PARD3: variants seen among roughly 807,000 people sequenced by gnomAD.
PARD3 encodes par-3 family cell polarity regulator, also known as partitioning defective 3 homolog.
PARD3 carries 75 observed loss-of-function variants against 155.4 expected under a neutral mutation model. The observed-to-expected ratio is 0.48, with a 90% CI of 0.40 to 0.58. The LOEUF (loss-of-function observed/expected upper bound fraction) is 0.58. PARD3 is among the 20% of genes least tolerant of loss of function. The pLI, the probability that PARD3 is intolerant of heterozygous loss-of-function variation, is 0.00. For missense variants in PARD3, 1,642 were observed against 1,721.7 expected (o/e 0.95, Z 0.82); for synonymous variants, 576 against 610.5 (o/e 0.94, Z 0.83).
intron 2 of PARD3, among the ~76,000 whole-genome samples, chr10:34,663,309 C>CA (rs1258852458): frequency 1.3e-5 from 2 of 151,426 alleles, no homozygotes; most frequent in African/African-American, 2.4e-5. Flanking sequence ...ACTAAAAATA[C>CA]AAAAAAAATA....
At chr10:34,811,681 A>G (rs1308035799) in intron 1 of PARD3, among the ~76,000 whole-genome samples, 3 of 152,146 alleles carry the variant, frequency 2.0e-5, no homozygotes, top group East Asian at 3.8e-4. Flanking sequence ...CCTAGATTAT[A>G]CTTTTTTTTG....
chr10:34,768,639 A>G (rs1838434181), intron 1 of PARD3, among the ~76,000 whole-genome samples: 1 of 152,162 alleles, frequency 6.6e-6, no homozygotes, highest in African/African-American at 2.4e-5. Context: ...GGGGCCCCCA[A>G]GATTTATTTT....
intron 22 of PARD3, among the ~76,000 whole-genome samples, chr10:34,251,559 C>T (rs1183865037): frequency 2.6e-5 from 4 of 152,186 alleles, no homozygotes; most frequent in Admixed American, 1.3e-4. Flanking sequence ...CTTAAGCTGG[C>T]TTCAGAGCCT....
chr10:34,389,239 T>TAAAAAAAAAAAAAAAA (rs57615675), intron 7 of PARD3, among the ~76,000 whole-genome samples: 15 of 65,852 alleles, frequency 2.3e-4, no homozygotes, highest in African/African-American at 8.7e-4. Context: ...CAATGTTTCT[T>TAAAAAAAAAAAAAAAA]AAAAAAAAAA....
chr10:34,541,417 G>A (rs1283846005), intron 2 of PARD3, among the ~76,000 whole-genome samples: 1 of 152,146 alleles, frequency 6.6e-6, no homozygotes, highest in African/African-American at 2.4e-5. Flanking sequence ...TATTCCTGAA[G>A]GGACAACAAA....
At chr10:34,779,585 C>A (rs560129083) in intron 1 of PARD3, among the ~76,000 whole-genome samples, 1 of 152,298 alleles carries the variant, frequency 6.6e-6, no homozygotes, top group African/African-American at 2.4e-5. Flanking sequence ...CACGCCACTG[C>A]ACTCCAGCCT....
intron 22 of PARD3, among the ~76,000 whole-genome samples, chr10:34,151,345 T>C (rs1053693976): frequency 2.6e-5 from 4 of 152,172 alleles, no homozygotes; most frequent in African/African-American, 9.7e-5. Flanking sequence ...AAAGTCAGGA[T>C]TTGTTATCAA....
chr10:34,674,777 G>A (rs909706460), intron 2 of PARD3, among the ~76,000 whole-genome samples: 4 of 152,014 alleles, frequency 2.6e-5, no homozygotes, highest in Non-Finnish European at 4.4e-5. Flanking sequence ...GTGAGCCACC[G>A]TGCCCAGCCC....
At chr10:34,278,396 T>C (rs927816755) in intron 21 of PARD3, among the ~76,000 whole-genome samples, 8 of 152,152 alleles carry the variant, frequency 5.3e-5, no homozygotes, top group Admixed American at 2.0e-4. Context: ...GGAAAAAACA[T>C]TTTAAAATAG....
At chr10:34,461,719 A>G (rs929379926) in intron 4 of PARD3, among the ~76,000 whole-genome samples, 2 of 152,234 alleles carry the variant, frequency 1.3e-5, no homozygotes, top group African/African-American at 4.8e-5. Context: ...AATCAATGAT[A>G]CTTCCTGGTT....
intron 1 of PARD3, among the ~76,000 whole-genome samples, chr10:34,795,849 G>A (rs969635207): frequency 5.3e-5 from 8 of 151,974 alleles, no homozygotes; most frequent in East Asian, 1.9e-4. Flanking sequence ...AGCTGAGATC[G>A]TGCCATTGCA....
chr10:34,683,889 A>G (rs1487766627), intron 2 of PARD3, among the ~76,000 whole-genome samples: 1 of 152,214 alleles, frequency 6.6e-6, no homozygotes, highest in Non-Finnish European at 1.5e-5. Flanking sequence ...CAGTACCCAC[A>G]AAACACTTAA....
intron 1 of PARD3, among the ~76,000 whole-genome samples, chr10:34,725,255 C>T (rs191509044): frequency 2.0e-5 from 3 of 151,976 alleles, no homozygotes; most frequent in East Asian, 3.9e-4. Context: ...CAGGTTCAAG[C>T]GATTCTCCTG....
At chr10:34,301,477 C>T (rs1010412000) in intron 20 of PARD3, among the ~76,000 whole-genome samples, 21 of 152,244 alleles carry the variant, frequency 1.4e-4, no homozygotes, top group Admixed American at 3.9e-4. Flanking sequence ...CTGCCCTGAG[C>T]GCCAGTGATA....
chr10:34,578,776 C>A lies in PARD3; in HGVS notation c.223-61617G>T, dbSNP rs377699815. ...CTCAATCGCTGAGGGAACACATTAC[C>A]TACTTGTCTAACAGTGAGTTAACTA... On this transcript the variant is annotated intron_variant, in intron 2 of 24. Coordinates refer to ENST00000374788, the MANE Select transcript of PARD3 (RefSeq NM_001184785.2). 2.2e-4 allele frequency among the ~76,000 whole-genome samples: 33 copies of A among 152,288 alleles called. No homozygotes were observed. The South Asian group carries it at 6.2e-3, about 29-fold the overall frequency.
At chr10:34,417,587 A>T (rs1845793206) in intron 5 of PARD3, among the ~76,000 whole-genome samples, 1 of 152,232 alleles carries the variant, frequency 6.6e-6, no homozygotes, top group Non-Finnish European at 1.5e-5. Flanking sequence ...AAATAAAGAA[A>T]ATAATTTCGA....
At chr10:34,560,004 T>C (rs1249253138) in intron 2 of PARD3, among the ~76,000 whole-genome samples, 1 of 152,196 alleles carries the variant, frequency 6.6e-6, no homozygotes, top group African/African-American at 2.4e-5. Context: ...AAAGTTTGAA[T>C]TGAAGGCTGA....
At chr10:34,366,122 G>A (rs1275219278) in intron 12 of PARD3, among the ~76,000 whole-genome samples, 1 of 152,112 alleles carries the variant, frequency 6.6e-6, no homozygotes. Context: ...CTGCATGGGG[G>A]AGGAGAAATT....
intron 7 of PARD3, among the ~76,000 whole-genome samples, chr10:34,387,568 C>T (rs952433568): frequency 1.3e-5 from 2 of 152,046 alleles, no homozygotes; most frequent in Non-Finnish European, 2.9e-5. Context: ...GTGTGTGCCA[C>T]GACCCCTGGC....
Sources: gnomAD v4.1 joint callset for allele counts (sites outside exome capture counted in the v4.1 genomes callset) on GRCh38, gnomAD v4.1.1 for gene constraint, MANE v1.5 for transcripts, NCBI Gene and HGNC (gene_info 2026-07-23, HGNC 2026-07-21) for gene names.